DSCAM: variants seen among roughly 807,000 people sequenced by gnomAD.
DSCAM encodes DS cell adhesion molecule, also known as cell adhesion molecule DSCAM.
DSCAM carries 47 observed loss-of-function variants against 217.7 expected under a neutral mutation model. The observed-to-expected ratio is 0.22, with a 90% confidence interval of 0.17 to 0.28. The LOEUF is 0.28. Ranked by LOEUF, DSCAM falls within the 10% of genes least tolerant of loss-of-function variation. The pLI, the probability that DSCAM is intolerant of heterozygous loss-of-function variation, is 1.00. For synonymous variants in DSCAM, 1,056 were observed against 1,015.3 expected (o/e 1.04, Z -0.76); for missense variants, 2,080 against 2,618.3 (o/e 0.79, Z 4.49).
At chr21:40,135,253 C>A (rs530967765) in intron 18 of DSCAM, among the ~76,000 whole-genome samples, 1 of 152,220 alleles carries the variant, frequency 6.6e-6, no homozygotes, top group Admixed American at 6.5e-5. Context: ...TTTGGCAGAC[C>A]TGCTCGTCAA....
chr21:40,198,145 C>T (rs1257907368), intron 11 of DSCAM, among the ~76,000 whole-genome samples: 1 of 152,188 alleles, frequency 6.6e-6, no homozygotes. Context: ...TAGAATTAAG[C>T]AGACGAGACT....
At chr21:40,143,441 C>T (rs921871447) in intron 17 of DSCAM, among the ~76,000 whole-genome samples, 2 of 152,196 alleles carry the variant, frequency 1.3e-5, no homozygotes, top group Non-Finnish European at 2.9e-5. Flanking sequence ...TTGAAGACTC[C>T]TCTCCTCGCA....
chr21:40,045,919 T>A (rs764728643), intron 30 of DSCAM, among the ~76,000 whole-genome samples: 4 of 152,176 alleles, frequency 2.6e-5, no homozygotes, highest in Non-Finnish European at 5.9e-5. Flanking sequence ...CCTACAATAA[T>A]CCCTGACATA....
rs2410237 is a variant in DSCAM, at chr21:40,369,385, C to T, written c.509-140G>A. On this transcript the variant is annotated intron_variant, in intron 3 of 32. Coordinates refer to ENST00000400454, the MANE Select transcript of DSCAM (RefSeq NM_001389.5). ...GGCTAAAAATGGGTGCGTGCGTCTG[C>T]GTGTGTGTGTGTGTGTGTGTGTGTG... The T allele has an allele frequency of 5.3e-4, 205 of 385,406 alleles. 2 individuals are homozygous for T. Among genetic ancestry groups the T allele is most frequent in the South Asian group, 2.5e-3 (43 of 17,132 alleles). 23.9% of individuals were successfully genotyped at this position (385,406 alleles called of 1,614,324 possible).
intron 11 of DSCAM, among the ~76,000 whole-genome samples, chr21:40,251,302 C>A (rs941810570): frequency 3.9e-5 from 6 of 152,118 alleles, no homozygotes; most frequent in African/African-American, 1.4e-4. Flanking sequence ...TTAAACAGTA[C>A]ATTCAGATGT....
At chr21:40,476,301 C>T (rs752227526) in intron 3 of DSCAM, among the ~76,000 whole-genome samples, 2 of 152,212 alleles carry the variant, frequency 1.3e-5, no homozygotes, top group Non-Finnish European at 2.9e-5. Context: ...CTCAGCCATT[C>T]ATCATGGATA....
chr21:40,296,564 G>A (rs1412678968), intron 9 of DSCAM, among the ~76,000 whole-genome samples: 1 of 152,124 alleles, frequency 6.6e-6, no homozygotes, highest in Admixed American at 6.5e-5. Flanking sequence ...GGGCGCGGTG[G>A]CTCATGCCTG....
intron 1 of DSCAM, among the ~76,000 whole-genome samples, chr21:40,767,776 G>A (rs946775636): frequency 5.9e-5 from 9 of 152,138 alleles, no homozygotes; most frequent in African/African-American, 1.7e-4. Flanking sequence ...CATTTCTACG[G>A]ATGGTGCCAC....
In DSCAM at chr21:40,036,968, C is replaced by T. The variant is rs200691516; in HGVS notation, c.5686+5403G>A. ...AGGGCCTTTGACAAAATTCAACAAC[C>T]CTTCATGCTAAAAACTCTTAATAAA... On this transcript the variant is annotated intron_variant, in intron 32 of 32. Coordinates refer to ENST00000400454, the MANE Select transcript of DSCAM (RefSeq NM_001389.5). Among the ~76,000 whole-genome samples the T allele has an allele frequency of 3.2e-3, 485 of 150,656 alleles. 40 individuals carry two copies. Among genetic ancestry groups the T allele is most frequent in the African/African-American group, 0.011 (456 of 40,040 alleles).
intron 3 of DSCAM, among the ~76,000 whole-genome samples, chr21:40,568,347 A>G (rs1178780210): frequency 2.0e-5 from 3 of 152,154 alleles, no homozygotes; most frequent in African/African-American, 7.2e-5. Context: ...GGTCTAGTTG[A>G]AAAAAGACAA....
chr21:40,270,551 G>T (rs184385623), intron 11 of DSCAM, among the ~76,000 whole-genome samples: 1 of 152,104 alleles, frequency 6.6e-6, no homozygotes, highest in African/African-American at 2.4e-5. Context: ...TGTTTGGGAA[G>T]GACTTAAACT....
intron 1 of DSCAM, among the ~76,000 whole-genome samples, chr21:40,820,743 A>C (rs1361387308): frequency 6.6e-6 from 1 of 152,174 alleles, no homozygotes; most frequent in Non-Finnish European, 1.5e-5. Context: ...GAGTGAGTGA[A>C]TTTGGATAAA....
chr21:40,190,424 C>T (rs1431466067), intron 11 of DSCAM, among the ~76,000 whole-genome samples: 2 of 152,120 alleles, frequency 1.3e-5, no homozygotes, highest in Non-Finnish European at 2.9e-5. Context: ...AGAGGCATGA[C>T]ATTAAATATG....
chr21:40,340,030 G>C (rs181127726), intron 6 of DSCAM, among the ~76,000 whole-genome samples: 79 of 152,226 alleles, frequency 5.2e-4, no homozygotes, highest in African/African-American at 1.7e-3. Flanking sequence ...CTTCCATGAA[G>C]TCTCTGAGAA....
At chr21:40,376,575 A>G (rs1231782025) in intron 3 of DSCAM, among the ~76,000 whole-genome samples, 2 of 81,044 alleles carry the variant, frequency 2.5e-5, no homozygotes, top group Non-Finnish European at 5.6e-5. Flanking sequence ...TCTTATATCG[A>G]TATCTATATA....
chr21:40,763,613 T>A (rs956804004), intron 1 of DSCAM, among the ~76,000 whole-genome samples: 1 of 152,044 alleles, frequency 6.6e-6, no homozygotes, highest in Non-Finnish European at 1.5e-5. Context: ...TCATACGGAA[T>A]CAAAAAAGAG....
At chr21:40,732,449 C>T (rs911219177) in intron 1 of DSCAM, among the ~76,000 whole-genome samples, 1 of 152,198 alleles carries the variant, frequency 6.6e-6, no homozygotes, top group Non-Finnish European at 1.5e-5. Flanking sequence ...AATTAAGAGT[C>T]ATGAAATCAC....
intron 1 of DSCAM, among the ~76,000 whole-genome samples, chr21:40,802,568 G>C (rs1476216251): frequency 2.0e-5 from 3 of 152,174 alleles, no homozygotes; most frequent in Non-Finnish European, 2.9e-5. Context: ...ATTAAGAGGT[G>C]GGGCCTTTAA....
chr21:40,566,482 C>T (rs948941126), intron 3 of DSCAM, among the ~76,000 whole-genome samples: 2 of 152,220 alleles, frequency 1.3e-5, no homozygotes, highest in Non-Finnish European at 2.9e-5. Context: ...GCGTTTATCA[C>T]AATTTAGCTT....
Sources: allele counts gnomAD v4.1 joint callset (sites outside exome capture counted in the v4.1 genomes callset), GRCh38; gene constraint gnomAD v4.1.1; transcripts MANE v1.5; gene names NCBI Gene and HGNC (gene_info 2026-07-23, HGNC 2026-07-21).